Variants in SORD observed in about 807,000 individuals in gnomAD.
SORD encodes the protein sorbitol dehydrogenase.
Under a neutral mutation model 35.6 loss-of-function variants are expected in SORD, and 18 were observed. The ratio of observed to expected loss-of-function variants is 0.51; its 90% CI spans 0.35 to 0.75. The LOEUF is 0.75. SORD is among the 30% of genes least tolerant of loss of function. The probability of loss-of-function intolerance (pLI) is 0.01; values close to 1 mark genes in which losing one functional copy is unlikely to be tolerated. For missense variants in SORD, 250 were observed against 390.2 expected (o/e 0.64, Z 3.03); for synonymous variants, 106 against 152.9 (o/e 0.69, Z 2.26).
intron 1 of SORD, among the ~76,000 whole-genome samples, chr15:45,024,201 C>T (rs539302066): frequency 1.3e-5 from 2 of 152,282 alleles, no homozygotes; most frequent in South Asian, 4.1e-4. Flanking sequence ...CCTGGGATGG[C>T]AGTGGGTATG....
intron 4 of SORD, among the ~76,000 whole-genome samples, chr15:45,061,608 C>T (rs1340765783): frequency 6.6e-6 from 1 of 151,900 alleles, no homozygotes; most frequent in Non-Finnish European, 1.5e-5. Flanking sequence ...TGGCTCATGC[C>T]TGTAATCCCA....
chr15:45,061,164 C>T lies in SORD; in HGVS notation c.363C>T (p.Ala121=). Residue 121 remains alanine, a synonymous_variant, in exon 4 of 9, where the codon GCC becomes GCT. Coordinates refer to ENST00000267814, the MANE Select transcript of SORD (RefSeq NM_003104.6). ...TGTCACCTTCCATCTTCTTCTGTGC[C>T]ACGCCCCCCGATGACGGGAACCTCT... ...YNLSPSIFFC[A]TPPDDGNLCR... 6.2e-7 allele frequency: 1 copy of T among 1,614,134 alleles called. No individual in the cohort carries two copies. The highest frequency in any genetic ancestry group is 1.7e-5 in the Admixed American group (1 of 60,010).
rs1223313766 is a variant in SORD, at chr15:45,023,330, G to C, written c.47G>C (p.Gly16Ala). The change falls in exon 1 of 9, where the codon GGA becomes GCA. Residue 16 changes from glycine (G) to alanine (A), a missense_variant. Gly to Ala is a moderately conservative substitution (Grantham distance 60, BLOSUM62 0). Transcript: ENST00000267814. ...KPNNLSLVVH[G>A]PGDLRLENYP... The stretch of plus-strand genomic sequence containing the variant: ...AACAACCTTTCCCTGGTGGTGCACG[G>C]ACCGGGGGACTTGCGCCTGGTAAGC... 6 of 1,588,204 alleles carry C rather than the reference G, an allele frequency of 3.8e-6. No homozygotes were observed. The highest frequency in any genetic ancestry group is 3.3e-4 in the Middle Eastern group (2 of 5,978).
chr15:45,047,490 G>A (rs928875078), intron 3 of SORD, among the ~76,000 whole-genome samples: 12 of 152,158 alleles, frequency 7.9e-5, no homozygotes, highest in African/African-American at 2.7e-4. Flanking sequence ...CATCGCTAAA[G>A]CAGAGATAAC....
At chr15:45,027,977 T>G (rs1362009843) in intron 1 of SORD, among the ~76,000 whole-genome samples, 2 of 152,276 alleles carry the variant, frequency 1.3e-5, no homozygotes, top group African/African-American at 4.8e-5. Flanking sequence ...CTTTTTCCAG[T>G]CGGCCATGGA....
chr15:45,035,227 G>T (rs1477216315), intron 1 of SORD, among the ~76,000 whole-genome samples: 1 of 152,192 alleles, frequency 6.6e-6, no homozygotes, highest in Non-Finnish European at 1.5e-5. Context: ...TGGGCGCACG[G>T]TGCGGGACTG....
intron 4 of SORD, among the ~76,000 whole-genome samples, 193 bp downstream of exon 4, chr15:45,061,419 T>C (rs1483239909): frequency 6.6e-6 from 1 of 152,174 alleles, no homozygotes; most frequent in Non-Finnish European, 1.5e-5. Flanking sequence ...CTCACAGTGG[T>C]TGGTTTTAGT....
chr15:45,027,253 T>G (rs111918426), intron 1 of SORD, among the ~76,000 whole-genome samples: 30,520 of 149,474 alleles, frequency 0.2, no homozygotes, highest in African/African-American at 0.44. Context: ...CAGTGTCAGC[T>G]TGCTGGGGTT....
In SORD at chr15:45,074,908, A is replaced by G. The variant is rs2141130586; in HGVS notation, c.*1378A>G. ...TCAGGTTACCCATTTCCCAGAGGGAAGGATCCCAGGATTTTTGAAGGTTAC... is the reference window on the plus strand; with the variant it reads ...TCAGGTTACCCATTTCCCAGAGGGAGGGATCCCAGGATTTTTGAAGGTTAC... On this transcript the variant is annotated 3_prime_UTR_variant, in exon 9 of 9. Coordinates refer to ENST00000267814, the MANE Select transcript of SORD (RefSeq NM_003104.6). 1.6e-5 allele frequency: 1 copy of G among 63,622 alleles called. No individual in the cohort carries two copies. The highest frequency in any genetic ancestry group is 5.2e-4 in the South Asian group (1 of 1,920). 3.9% of individuals were successfully genotyped at this position (63,622 alleles called of 1,614,324 possible). A position where few individuals can be genotyped will look rare whatever the true frequency, so the allele number is the denominator to read the frequency against.
chr15:45,067,114 C>T (rs1290717890), intron 5 of SORD, among the ~76,000 whole-genome samples: 1 of 152,134 alleles, frequency 6.6e-6, no homozygotes, highest in Non-Finnish European at 1.5e-5. Flanking sequence ...GTAATCCTAG[C>T]ACTTTGGGAG....
At chr15:45,055,204 G>A (rs1404501309) in intron 3 of SORD, among the ~76,000 whole-genome samples, 2 of 152,126 alleles carry the variant, frequency 1.3e-5, no homozygotes, top group African/African-American at 2.4e-5. Flanking sequence ...TAGCTTGATG[G>A]GGATGGCATT....
chr15:45,027,543 C>A (rs1405518384), intron 1 of SORD, among the ~76,000 whole-genome samples: 1 of 152,258 alleles, frequency 6.6e-6, no homozygotes, highest in African/African-American at 2.4e-5. Context: ...TGAGGACGGA[C>A]ACTTAAACCA....
In SORD at chr15:45,069,208, T is replaced by C. The variant is rs1246470253; in HGVS notation, c.786+156T>C. Among the ~76,000 whole-genome samples, 173 of 129,836 alleles carry C rather than the reference T, an allele frequency of 1.3e-3. 7 individuals are homozygous for C. The highest frequency in any genetic ancestry group is 4.3e-3 in the African/African-American group (152 of 35,394). The allele number at this position is 129,836 out of a possible 152,430, so 85.2% of individuals were successfully genotyped here. ...GTTTTCTTTTTCTTTTTTTTTTTTT[T>C]TTTTTTTTTTTTTTTTGAGACAGAG... On this transcript the variant is annotated intron_variant, in intron 7 of 8. Coordinates refer to ENST00000267814, the MANE Select transcript of SORD (RefSeq NM_003104.6).
intron 3 of SORD, among the ~76,000 whole-genome samples, chr15:45,046,394 C>T (rs1023284155): frequency 6.6e-5 from 10 of 152,126 alleles, no homozygotes; most frequent in African/African-American, 2.2e-4. Flanking sequence ...AGGCACGCAC[C>T]ACCACACCTG....
intron 3 of SORD, among the ~76,000 whole-genome samples, chr15:45,044,028 G>A (rs1234524544): frequency 6.6e-6 from 1 of 152,242 alleles, no homozygotes; most frequent in Non-Finnish European, 1.5e-5. Context: ...ACGTTATTTG[G>A]GGGAAGGTGG....
chr15:45,067,048 C>T (rs752936610), intron 5 of SORD, among the ~76,000 whole-genome samples: 15 of 152,128 alleles, frequency 9.9e-5, no homozygotes, highest in Admixed American at 2.0e-4. Context: ...ATGCTAAATA[C>T]GCTTCCTTTA....
intron 1 of SORD, among the ~76,000 whole-genome samples, chr15:45,023,557 C>T (rs1294580071): frequency 6.6e-6 from 1 of 152,250 alleles, no homozygotes; most frequent in African/African-American, 2.4e-5. Flanking sequence ...GTGTGCCTCC[C>T]GGAACCTAGC....
intron 3 of SORD, among the ~76,000 whole-genome samples, chr15:45,060,173 A>G (rs1241084354): frequency 1.3e-5 from 2 of 152,216 alleles, no homozygotes; most frequent in East Asian, 1.9e-4. Flanking sequence ...TTTGAAGTGC[A>G]TCGGAAAAGA....
In SORD at chr15:45,061,167, G is replaced by GC. The variant is rs1228376875; in HGVS notation, c.372dup (p.Asp125ArgfsTer2). On this transcript the variant is annotated frameshift_variant, in exon 4 of 9. Coordinates refer to ENST00000267814, the MANE Select transcript of SORD (RefSeq NM_003104.6). LOFTEE classifies it high-confidence loss of function. ...CACCTTCCATCTTCTTCTGTGCCAC[G>GC]CCCCCCGATGACGGGAACCTCTGCC... 1 of 1,611,750 alleles carries GC rather than the reference G, an allele frequency of 6.2e-7. No homozygotes were observed. Among genetic ancestry groups the GC allele is most frequent in the Non-Finnish European group, 8.5e-7 (1 of 1,178,992 alleles).
Sources: gnomAD v4.1 joint callset for allele counts (sites outside exome capture counted in the v4.1 genomes callset) on GRCh38, gnomAD v4.1.1 for gene constraint, MANE v1.5 for transcripts, NCBI Gene and HGNC (gene_info 2026-07-23, HGNC 2026-07-21) for gene names.